Variants in CSE1L observed in about 807,000 individuals in gnomAD.
CSE1L encodes the protein chromosome segregation 1 like, also known as exportin-2.
In CSE1L, 24 loss-of-function variants were observed where a neutral mutation model predicts 120.4. The ratio of observed to expected loss-of-function variants is 0.20; its 90% confidence interval spans 0.14 to 0.28. The LOEUF is 0.28. Ranked by LOEUF, CSE1L falls within the 10% of genes least tolerant of loss-of-function variation. The pLI, the probability that CSE1L is intolerant of heterozygous loss-of-function variation, is 1.00. For synonymous variants in CSE1L, 402 were observed against 398.3 expected, an observed-to-expected ratio of 1.01 and a Z score of -0.11; for missense variants, 830 against 1,145.2, an observed-to-expected ratio of 0.72 and a Z score of 3.97.
chr20:49,066,524 G>C lies in CSE1L; in HGVS notation c.476+14G>C, dbSNP rs2091893311. On this transcript the variant is annotated intron_variant, in intron 5 of 24. Transcript: ENST00000262982. ...ATTATTTAAAAGGTATTGATGCATA[G>C]ATTCATGTTTTTAAAATACTTTCTA... 6.3e-7 allele frequency: 1 copy of C among 1,580,502 alleles called. No homozygotes were observed. The highest frequency in any genetic ancestry group is 1.4e-5 in the African/African-American group (1 of 73,200).
At chr20:49,061,226 G>A (rs1346341182) in intron 2 of CSE1L, among the ~76,000 whole-genome samples, 21 of 139,512 alleles carry the variant, frequency 1.5e-4, no homozygotes, top group Admixed American at 3.0e-4. Flanking sequence ...AGGCTAGAGT[G>A]CAGTGGCGCC....
chr20:49,063,071 T>G (rs745618923), intron 2 of CSE1L, 131 bp from the exon 3 acceptor site: 4 of 353,772 alleles, frequency 1.1e-5, no homozygotes, highest in Non-Finnish European at 1.9e-5. Context: ...ATAAGAAAAG[T>G]GAGGCCCTGT....
Position 49,068,726 on chromosome 20 carries a change from A to C in CSE1L, c.579A>C (p.Glu193Asp). ...AATTCCTTTCCAAGGCCACTATTGA[A>C]CTCTGCAGTACCCATGCAAATGATG... Reference protein sequence around the residue: ...PLTNLFKATIELCSTHANDAS... With the variant: ...PLTNLFKATIDLCSTHANDAS... Residue 193 changes from glutamate (E) to aspartate (D), a missense_variant, in exon 7 of 25, where the codon GAA (glutamate) becomes GAC (aspartate). This residue lies in a region of CSE1L where 543 missense variants were observed against 640.2 expected (regional missense o/e 0.85). Transcript: ENST00000262982. 1 of 1,611,756 alleles carries C rather than the reference A, an allele frequency of 6.2e-7. No homozygotes were observed. Among genetic ancestry groups the C allele is most frequent in the African/African-American group, 1.3e-5 (1 of 74,966 alleles).
At chr20:49,090,712 C>G (rs967648777) in intron 19 of CSE1L, 30 bp from the exon 20 acceptor site, 3 of 1,543,924 alleles carry the variant, frequency 1.9e-6, no homozygotes, top group Non-Finnish European at 2.7e-6. Flanking sequence ...TCCTGTTAAC[C>G]ATTTTCTGTT....
chr20:49,071,304 A>G (rs967261277), intron 8 of CSE1L, among the ~76,000 whole-genome samples: 4 of 152,204 alleles, frequency 2.6e-5, no homozygotes, highest in African/African-American at 9.6e-5. Flanking sequence ...TTTCAGTCCA[A>G]TGGGAGGGAA....
In CSE1L at chr20:49,096,368, C is replaced by G. The variant is rs2092140867; in HGVS notation, c.2846C>G (p.Thr949Ser). The change falls in exon 25 of 25, where the codon ACC becomes AGC. Residue 949 changes from threonine (T) to serine (S), a missense_variant. Physicochemically the swap from Thr to Ser is moderately conservative, Grantham distance 58 (BLOSUM62 1). This residue lies in a region of CSE1L where 112 missense variants were observed against 200.0 expected (regional missense o/e 0.56). Coordinates refer to ENST00000262982, the MANE Select transcript of CSE1L (RefSeq NM_001316.4). ...CPGRVPSMVS[T>S]SLNAEALQYL... ...TTGTAGGTTCCATCAATGGTGAGCA[C>G]CAGCCTGAATGCAGAAGCGCTCCAG... 1.9e-6 allele frequency: 3 copies of G among 1,613,956 alleles called. No homozygotes were observed. The highest frequency in any genetic ancestry group is 2.5e-6 in the Non-Finnish European group (3 of 1,179,984).
At chr20:49,050,827 G>T (rs1418608981) in intron 1 of CSE1L, among the ~76,000 whole-genome samples, 1 of 152,122 alleles carries the variant, frequency 6.6e-6, no homozygotes, top group Admixed American at 6.5e-5. Context: ...CTCCCAAAGT[G>T]CTGGGATTAC....
At chr20:49,055,367 A>G (rs1427617366) in intron 1 of CSE1L, among the ~76,000 whole-genome samples, 1 of 152,158 alleles carries the variant, frequency 6.6e-6, no homozygotes, top group Non-Finnish European at 1.5e-5. Flanking sequence ...CTTCTGAACT[A>G]TTACAGAAGC....
At chr20:49,090,677 C>T in intron 19 of CSE1L, 65 bp from the exon 20 acceptor site, 1 of 1,182,552 alleles carries the variant, frequency 8.5e-7, no homozygotes, top group Non-Finnish European at 1.3e-6. Context: ...AGACATATAT[C>T]ATGTTTAACT....
chr20:49,076,748 C>T (rs2091971622), intron 12 of CSE1L, among the ~76,000 whole-genome samples: 1 of 151,864 alleles, frequency 6.6e-6, no homozygotes, highest in African/African-American at 2.4e-5. Flanking sequence ...CCAGGCTAGT[C>T]TTGAACTCCT....
At chr20:49,081,287 ATTTCTTTAT>A (rs2092011149) in intron 14 of CSE1L, among the ~76,000 whole-genome samples, 1 of 149,328 alleles carries the variant, frequency 6.7e-6, no homozygotes. Flanking sequence ...CGCCCGGCCC[ATTTCTTTAT>A]TTTTTGAAAC....
At chr20:49,095,116 A>C in intron 24 of CSE1L, 153 bp downstream of exon 24, 1 of 704,296 alleles carries the variant, frequency 1.4e-6, no homozygotes. Flanking sequence ...AATTAAAAAC[A>C]CTGAGCCCTT....
At position 49,075,318 on chromosome 20, in the gene CSE1L, A is replaced by G; in HGVS notation, c.1133A>G (p.Asp378Gly). ...EYIRRDLEGS[D>G]IDTRRRAACD... The stretch of plus-strand genomic sequence containing the variant: ...AATATATTTTCTTTTCATTTCATAG[A>G]TATTGATACTAGACGCAGGGCTGCT... Residue 378 changes from aspartate to glycine, a missense_variant and splice_region_variant, in exon 12 of 25, where the codon GAT becomes GGT. By Grantham distance (94) the Asp-to-Gly change is moderately conservative. Around this residue, in one of 4 missense-constraint regions of CSE1L, gnomAD observed 543 missense variants for 640.2 expected, o/e 0.85. Transcript: ENST00000262982. 2.5e-6 allele frequency: 4 copies of G among 1,611,198 alleles called. No homozygotes were observed. Among genetic ancestry groups the G allele is most frequent in the Non-Finnish European group, 3.4e-6 (4 of 1,178,316 alleles).
intron 21 of CSE1L, among the ~76,000 whole-genome samples, chr20:49,091,607 C>T (rs957882191): frequency 1.3e-5 from 2 of 152,036 alleles, no homozygotes; most frequent in Non-Finnish European, 2.9e-5. Flanking sequence ...CCTGTAGCCC[C>T]AGCTACTCAG....
At chr20:49,063,118 ATT>A (rs10714453) in intron 2 of CSE1L, 82 bp from the exon 3 acceptor site, 50 of 714,472 alleles carry the variant, frequency 7.0e-5, no homozygotes, top group African/African-American at 5.7e-4. Flanking sequence ...TCTTTTTTTG[ATT>A]TTTTTTTATA....
chr20:49,085,562 A>ATTTTTTTTTT (rs11471947), intron 16 of CSE1L, among the ~76,000 whole-genome samples, 176 bp downstream of exon 16: 1,153 of 80,178 alleles, frequency 0.014, 243 homozygotes, highest in Middle Eastern at 0.022. Flanking sequence ...ACTAACAATA[A>ATTTTTTTTTT]TTTTTTTTTT....
At chr20:49,088,187 G>A (rs2092074631) in intron 17 of CSE1L, 81 bp downstream of exon 17, 9 of 931,994 alleles carry the variant, frequency 9.7e-6, no homozygotes, top group South Asian at 2.9e-5. Context: ...TTGGCATTAC[G>A]TGAAGCTTTA....
intron 24 of CSE1L, among the ~76,000 whole-genome samples, chr20:49,095,487 T>A (rs562575929): frequency 4.6e-5 from 7 of 152,188 alleles, no homozygotes; most frequent in Middle Eastern, 6.8e-3. Context: ...GCTAATTTTT[T>A]ATTTTTTTGT....
chr20:49,078,555 A>G lies in CSE1L; in HGVS notation c.1421-6A>G, dbSNP rs1173879737. On this transcript the variant is annotated splice_region_variant and splice_polypyrimidine_tract_variant and intron_variant, in intron 13 of 24. Transcript: ENST00000262982. ...AGTAACTGTGGCTTTCTGTTTTTTT[A>G]TATAGTGAATGAATTTCCTGTCCTT... The G allele has an allele frequency of 1.3e-6, 2 of 1,563,964 alleles. No homozygotes were observed. Among genetic ancestry groups the G allele is most frequent in the East Asian group, 4.6e-5 (2 of 43,834 alleles).
Sources: gnomAD v4.1 joint callset for allele counts (sites outside exome capture counted in the v4.1 genomes callset) on GRCh38, gnomAD v4.1.1 for gene constraint, gnomAD v4.1.1 regional missense constraint, MANE v1.5 for transcripts, NCBI Gene and HGNC (gene_info 2026-07-23, HGNC 2026-07-21) for gene names.